Variants in EYA4 observed in about 807,000 individuals in gnomAD.
The protein encoded by EYA4 is protein phosphatase EYA4.
Under a neutral mutation model 87.9 loss-of-function variants are expected in EYA4, and 31 were observed. The observed-to-expected ratio is 0.35, with a 90% CI of 0.27 to 0.48. EYA4 has a LOEUF of 0.48. Among genes scored for constraint, EYA4 ranks in the 20% least tolerant of loss-of-function variants. The probability of loss-of-function intolerance (pLI) is 0.99; values close to 1 mark genes in which losing one functional copy is unlikely to be tolerated. For missense variants in EYA4, 678 were observed against 761.4 expected (o/e 0.89, Z 1.29); for synonymous variants, 263 against 270.6 (o/e 0.97, Z 0.28).
intron 3 of EYA4, among the ~76,000 whole-genome samples, chr6:133,414,141 T>C (rs1254490179): frequency 1.3e-5 from 2 of 152,178 alleles, no homozygotes; most frequent in Non-Finnish European, 2.9e-5. Flanking sequence ...CATCCAGACA[T>C]GTAAGACCCC....
At chr6:133,397,664 T>C (rs973266647) in intron 3 of EYA4, among the ~76,000 whole-genome samples, 1 of 152,144 alleles carries the variant, frequency 6.6e-6, no homozygotes, top group Admixed American at 6.5e-5. Context: ...TGTGTATTAG[T>C]TTTCACACTG....
At chr6:133,390,748 C>A (rs1326449263) in intron 3 of EYA4, among the ~76,000 whole-genome samples, 1 of 152,088 alleles carries the variant, frequency 6.6e-6, no homozygotes, top group Non-Finnish European at 1.5e-5. Context: ...TGTGGCCACC[C>A]AAGGGCATCT....
At chr6:133,324,144 C>G (rs1781311566) in intron 2 of EYA4, among the ~76,000 whole-genome samples, 1 of 151,992 alleles carries the variant, frequency 6.6e-6, no homozygotes, top group Non-Finnish European at 1.5e-5. Context: ...CCACTGCTGT[C>G]CAAACAGTCA....
intron 3 of EYA4, among the ~76,000 whole-genome samples, chr6:133,418,242 A>C (rs1011796406): frequency 2.2e-4 from 33 of 152,144 alleles, no homozygotes; most frequent in African/African-American, 8.0e-4. Context: ...GTCATGATTC[A>C]CTGCATCCTA....
chr6:133,276,775 T>C (rs929530582), intron 2 of EYA4, among the ~76,000 whole-genome samples: 6 of 152,228 alleles, frequency 3.9e-5, no homozygotes, highest in Non-Finnish European at 8.8e-5. Context: ...CATGTTGGCA[T>C]AGCTGATAAG....
At chr6:133,264,516 G>A (rs1345906543) in intron 1 of EYA4, among the ~76,000 whole-genome samples, 4 of 152,226 alleles carry the variant, frequency 2.6e-5, no homozygotes, top group African/African-American at 7.2e-5. Flanking sequence ...ATGGCGGAAC[G>A]CCTGTACTGG....
At chr6:133,254,046 G>A (rs924723783) in intron 1 of EYA4, among the ~76,000 whole-genome samples, 10 of 152,072 alleles carry the variant, frequency 6.6e-5, no homozygotes, top group African/African-American at 2.4e-4. Flanking sequence ...ATGAAAGCTG[G>A]TTTATTGGTT....
chr6:133,459,322 G>C (rs1167907599), intron 6 of EYA4, among the ~76,000 whole-genome samples: 1 of 152,184 alleles, frequency 6.6e-6, no homozygotes, highest in African/African-American at 2.4e-5. Flanking sequence ...TTTATCATTA[G>C]AAGAAACATC....
chr6:133,402,127 C>A lies in EYA4; in HGVS notation c.83+19686C>A, dbSNP rs146471631. On this transcript the variant is annotated intron_variant, in intron 3 of 19. Transcript: ENST00000355286. Reference sequence around the variant, plus strand: ...TCAGCAAAAACCCATATTTTTAAATCAAAAAAAAGATCTATATGATTCTAG... The same window carrying A: ...TCAGCAAAAACCCATATTTTTAAATAAAAAAAAAGATCTATATGATTCTAG... 7.5e-4 allele frequency among the ~76,000 whole-genome samples: 113 copies of A among 151,656 alleles called. 3 individuals are homozygous for A. The East Asian group carries it at 0.018, about 24-fold the overall frequency.
intron 3 of EYA4, among the ~76,000 whole-genome samples, chr6:133,418,127 G>T (rs533183511): frequency 6.6e-6 from 1 of 152,116 alleles, no homozygotes; most frequent in African/African-American, 2.4e-5. Flanking sequence ...TTTTGCCTGG[G>T]GTCTTTCTCG....
intron 1 of EYA4, among the ~76,000 whole-genome samples, chr6:133,273,458 A>G (rs1446554251): frequency 1.3e-5 from 2 of 152,172 alleles, no homozygotes; most frequent in South Asian, 2.1e-4. Context: ...AATACTTTGT[A>G]TCCTTCAATC....
intron 14 of EYA4, among the ~76,000 whole-genome samples, chr6:133,507,012 T>C (rs553168232): frequency 6.7e-6 from 1 of 148,654 alleles, no homozygotes; most frequent in South Asian, 2.2e-4. Context: ...TCAGATGGCA[T>C]GTTTAAATTT....
intron 3 of EYA4, among the ~76,000 whole-genome samples, chr6:133,415,963 A>T (rs211591): frequency 0.38 from 57,296 of 152,120 alleles, 14,040 homozygotes; most frequent in Non-Finnish European, 0.54. Context: ...CAAATGGTAA[A>T]GCCTTTGCTA....
intron 15 of EYA4, 23 bp from the exon 16 acceptor site, chr6:133,512,851 CTTTT>C: frequency 6.2e-7 from 1 of 1,613,642 alleles, no homozygotes; most frequent in African/African-American, 1.3e-5. Context: ...GTAATTATTT[CTTTT>C]TAATGTATTT....
At chr6:133,477,813 GACACACAC>G (rs10538879) in intron 11 of EYA4, among the ~76,000 whole-genome samples, 1 of 149,876 alleles carries the variant, frequency 6.7e-6, no homozygotes, top group South Asian at 2.1e-4. Context: ...GTTTAAGTCA[GACACACAC>G]ACACACACAC....
At chr6:133,342,582 T>C (rs1583010524) in intron 2 of EYA4, among the ~76,000 whole-genome samples, 1 of 66,674 alleles carries the variant, frequency 1.5e-5, no homozygotes, top group African/African-American at 6.7e-5. Flanking sequence ...GCCATATATA[T>C]ATATATATAT....
At chr6:133,462,847 T>A in intron 9 of EYA4, 83 bp downstream of exon 9, 1 of 1,270,994 alleles carries the variant, frequency 7.9e-7, no homozygotes, top group African/African-American at 1.5e-5. Flanking sequence ...GAATATCCAA[T>A]CATGAAGGTA....
chr6:133,473,849 G>C (rs965114160), intron 11 of EYA4, among the ~76,000 whole-genome samples: 1 of 151,732 alleles, frequency 6.6e-6, no homozygotes, highest in South Asian at 2.1e-4. Flanking sequence ...TCGTTCTTGG[G>C]GTCCTTAAAT....
intron 3 of EYA4, among the ~76,000 whole-genome samples, chr6:133,426,357 T>C (rs1790676833): frequency 6.6e-6 from 1 of 152,216 alleles, no homozygotes; most frequent in South Asian, 2.1e-4. Context: ...TAAATGAACA[T>C]GTGACTGAAA....
Sources: gnomAD v4.1 joint callset for allele counts (sites outside exome capture counted in the v4.1 genomes callset) on GRCh38, gnomAD v4.1.1 for gene constraint, MANE v1.5 for transcripts, NCBI Gene and HGNC (gene_info 2026-07-23, HGNC 2026-07-21) for gene names.